Variants in RUVBL1 observed in about 807,000 individuals in gnomAD.
RUVBL1 encodes ruvB-like 1.
In RUVBL1, 4 loss-of-function variants were observed where a neutral mutation model predicts 52.4. The observed-to-expected ratio is 0.08, with a 90% CI of 0.04 to 0.17. RUVBL1 has a LOEUF of 0.17. Ranked by LOEUF, RUVBL1 falls within the 10% of genes least tolerant of loss-of-function variation. The pLI is 1.00. For missense variants in RUVBL1, 298 were observed against 572.8 expected (o/e 0.52, Z 4.90); for synonymous variants, 217 against 214.4 (o/e 1.01, Z -0.10).
chr3:128,138,928 C>A (rs943662754), intron 1 of RUVBL1, among the ~76,000 whole-genome samples: 2 of 152,048 alleles, frequency 1.3e-5, no homozygotes, highest in African/African-American at 4.8e-5. Flanking sequence ...ACTCATTAGA[C>A]AAAGGTGCCA....
At chr3:128,097,052 G>T (rs1164432972) in intron 8 of RUVBL1, among the ~76,000 whole-genome samples, 1 of 152,122 alleles carries the variant, frequency 6.6e-6, no homozygotes, top group Non-Finnish European at 1.5e-5. Context: ...CCAATTGAAC[G>T]ACCAAATTGT....
chr3:128,082,351 A>G lies in RUVBL1; in HGVS notation c.1211+132T>C, dbSNP rs1942501737. ...TTGAAACTCAAGTGCCCTGGCACCC[A>G]TCGCGCCAGGAAGAGCGGATGGATA... On this transcript the variant is annotated intron_variant, in intron 10 of 10. Transcript: ENST00000322623. The surrounding 1 kb of genome is among the most constrained non-coding windows in gnomAD (Gnocchi z 4.7). 3.0e-6 allele frequency: 2 copies of G among 677,652 alleles called. No individual in the cohort carries two copies. The highest frequency in any genetic ancestry group is 2.5e-5 in the Admixed American group (1 of 39,718). The allele number at this position is 677,652 out of a possible 1,614,324, so 42.0% of individuals were successfully genotyped here. A position where few individuals can be genotyped will look rare whatever the true frequency, so the allele number is the denominator to read the frequency against.
At chr3:128,076,643 C>T (rs1360112877), downstream of RUVBL1, among the ~76,000 whole-genome samples, 1 of 152,072 alleles carries the variant, frequency 6.6e-6, no homozygotes, top group African/African-American at 2.4e-5. The surrounding 1 kb of genome is among the most constrained non-coding windows in gnomAD (Gnocchi z 6.8). Flanking sequence ...CTCCCCCCAC[C>T]CCTCAGGCCT....
chr3:128,125,005 CTTTTTTTTTTTTT>C (rs749620135), upstream of RUVBL1, among the ~76,000 whole-genome samples: 1 of 61,352 alleles, frequency 1.6e-5, no homozygotes, highest in Non-Finnish European at 2.8e-5. Context: ...CTCACACCGC[CTTTTTTTTTTTTT>C]TTTTTTTTTT....
chr3:128,069,563 A>G, intron 9 of RUVBL1: 1 of 1,614,090 alleles, frequency 6.2e-7, no homozygotes, highest in Non-Finnish European at 8.5e-7. Flanking sequence ...TTGGGTCTGG[A>G]ACCGGGATCC....
chr3:128,116,000 A>G (rs1943513955), intron 2 of RUVBL1, among the ~76,000 whole-genome samples: 1 of 151,950 alleles, frequency 6.6e-6, no homozygotes, highest in Non-Finnish European at 1.5e-5. Flanking sequence ...GGTGGTGTGC[A>G]CCTGTAGTCC....
chr3:128,102,723 G>T (rs1449027385), intron 4 of RUVBL1, among the ~76,000 whole-genome samples: 1 of 152,212 alleles, frequency 6.6e-6, no homozygotes, highest in East Asian at 1.9e-4. Flanking sequence ...ATTCTTTTTG[G>T]GGCGATGAAA....
chr3:128,146,000 G>A (rs550002136), intron 1 of RUVBL1, among the ~76,000 whole-genome samples: 17 of 152,228 alleles, frequency 1.1e-4, no homozygotes, highest in African/African-American at 4.1e-4. Context: ...AACCATACAC[G>A]TATGTTCAAA....
rs1227993930 is a variant in RUVBL1, at chr3:128,153,283, G to C, written c.-120C>G. 9 of 1,355,582 alleles carry C rather than the reference G, an allele frequency of 6.6e-6. No homozygotes were observed. The African/African-American group carries it at 1.4e-4, about 21-fold the overall frequency. The allele number at this position is 1,355,582 out of a possible 1,614,324, so 84.0% of individuals were successfully genotyped here. A position where few individuals can be genotyped will look rare whatever the true frequency, so the allele number is the denominator to read the frequency against. On this transcript the variant is annotated 5_prime_UTR_variant, in exon 1 of 10. Transcript: ENST00000464873. Reference sequence around the variant, plus strand: ...AGAGGCTTCAGGCAGGAGGAGCCACGTGAGAGAGAAACCCTGCCTACGGTG... The same window carrying C: ...AGAGGCTTCAGGCAGGAGGAGCCACCTGAGAGAGAAACCCTGCCTACGGTG...
At chr3:128,153,413 C>A (rs1042720984) in exon 1 of RUVBL1, 5 of 1,416,270 alleles carry the variant, frequency 3.5e-6, no homozygotes, top group Non-Finnish European at 4.6e-6. Flanking sequence ...CACAGCGCGC[C>A]GGTTACGGGG....
chr3:128,143,613 A>G (rs1264095537), intron 1 of RUVBL1, among the ~76,000 whole-genome samples: 1 of 152,206 alleles, frequency 6.6e-6, no homozygotes, highest in Admixed American at 6.5e-5. Context: ...ATCATAGCCC[A>G]GGCCTGCATG....
chr3:128,153,581 G>A (rs779566408), exon 1 of RUVBL1: 4 of 1,560,750 alleles, frequency 2.6e-6, no homozygotes, highest in Non-Finnish European at 2.6e-6. Context: ...GCGCTGGCGC[G>A]GGCGCTAAGC....
intron 1 of RUVBL1, among the ~76,000 whole-genome samples, chr3:128,119,681 T>A (rs529609320): frequency 6.6e-6 from 1 of 152,328 alleles, no homozygotes; most frequent in African/African-American, 2.4e-5. Flanking sequence ...AAAGGGATGA[T>A]GAGAGAGAAC....
intron 1 of RUVBL1, among the ~76,000 whole-genome samples, chr3:128,120,828 G>C (rs907899426): frequency 6.6e-5 from 10 of 151,954 alleles, no homozygotes; most frequent in Admixed American, 2.6e-4. Flanking sequence ...CACCATGTTA[G>C]CCGGGATGGT....
At chr3:128,105,113 T>C (rs1427187641) in intron 3 of RUVBL1, among the ~76,000 whole-genome samples, 189 bp from the exon 4 acceptor site, 1 of 105,072 alleles carries the variant, frequency 9.5e-6, no homozygotes, top group Non-Finnish European at 2.0e-5. Context: ...AAATGCAACT[T>C]TTTTTTTTTT....
At chr3:128,088,703 A>G (rs1390060318) in intron 8 of RUVBL1, among the ~76,000 whole-genome samples, 1 of 151,928 alleles carries the variant, frequency 6.6e-6, no homozygotes, top group Non-Finnish European at 1.5e-5. Context: ...CCTGGGCTCA[A>G]GGGCTCCTCC....
At position 128,067,720 on chromosome 3, in the gene RUVBL1, A is replaced by G; in HGVS notation, c.940-2500T>C. On this transcript the variant is annotated intron_variant, in intron 9 of 9. Transcript: ENST00000464873. This position sits in a 1 kb window ranked among gnomAD's most constrained non-coding sequence, Gnocchi z 4.1. ...AATGGTCTGTGACGTGTGCAGATAG[A>G]TCGTCGTCCTTTAGGGGGCAGTTCA... 1 of 939,180 alleles carries G rather than the reference A, an allele frequency of 1.1e-6. No individual in the cohort carries two copies. Among genetic ancestry groups the G allele is most frequent in the Non-Finnish European group, 1.6e-6 (1 of 624,014 alleles). 58.2% of individuals were successfully genotyped at this position (939,180 alleles called of 1,614,324 possible). A position where few individuals can be genotyped will look rare whatever the true frequency, so the allele number is the denominator to read the frequency against.
At chr3:128,107,194 G>A (rs1258282011) in intron 3 of RUVBL1, among the ~76,000 whole-genome samples, 2 of 152,154 alleles carry the variant, frequency 1.3e-5, no homozygotes, top group African/African-American at 4.8e-5. Flanking sequence ...CCACCTGAGG[G>A]GCCCCTATAA....
At position 128,081,204 on chromosome 3, in the gene RUVBL1, C is replaced by A; in HGVS notation, c.*46G>T. 6.3e-7 allele frequency: 1 copy of A among 1,585,930 alleles called. No homozygotes were observed. Among genetic ancestry groups the A allele is most frequent in the Non-Finnish European group, 8.6e-7 (1 of 1,161,050 alleles). ...CAAGCGCCCACAGGCTGGACCCAGG[C>A]CAGGCACACCTGGGGAGTCTCTTAC... On this transcript the variant is annotated 3_prime_UTR_variant, in exon 11 of 11. Coordinates refer to ENST00000322623, the MANE Select transcript of RUVBL1 (RefSeq NM_003707.3). This position sits in a 1 kb window ranked among gnomAD's most constrained non-coding sequence, Gnocchi z 4.8.
Sources: allele counts gnomAD v4.1 joint callset (sites outside exome capture counted in the v4.1 genomes callset), GRCh38; gene constraint gnomAD v4.1.1; non-coding constraint Gnocchi (gnomAD v3.1); transcripts MANE v1.5; gene names NCBI Gene and HGNC (gene_info 2026-07-23, HGNC 2026-07-21).